The following CTNNA2 variants were observed in gnomAD, a reference collection of about 807,000 sequenced individuals.
CTNNA2 encodes catenin alpha-2.
Under a neutral mutation model 101.0 loss-of-function variants are expected in CTNNA2, and 42 were observed. The ratio of observed to expected loss-of-function variants is 0.42; its 90% CI spans 0.32 to 0.54. The LOEUF (loss-of-function observed/expected upper bound fraction) is 0.54. Ranked by LOEUF, CTNNA2 falls within the 20% of genes least tolerant of loss-of-function variation. The pLI, the probability that CTNNA2 is intolerant of heterozygous loss-of-function variation, is 0.14. For synonymous variants in CTNNA2, 450 were observed against 456.4 expected, an observed-to-expected ratio of 0.99 and a Z score of 0.18; for missense variants, 871 against 1,223.1, an observed-to-expected ratio of 0.71 and a Z score of 4.29.
At chr2:79,552,304 G>A (rs192816936) in intron 1 of CTNNA2, among the ~76,000 whole-genome samples, 8 of 152,250 alleles carry the variant, frequency 5.3e-5, no homozygotes, top group Admixed American at 1.3e-4. Flanking sequence ...CTTTGACTCC[G>A]TGTCTCACAT....
intron 1 of CTNNA2, among the ~76,000 whole-genome samples, chr2:79,575,032 C>T (rs539530360): frequency 3.3e-5 from 5 of 152,226 alleles, no homozygotes; most frequent in East Asian, 3.9e-4. Flanking sequence ...AGCGTTGGTT[C>T]GTGTCCTTTG....
intron 7 of CTNNA2, among the ~76,000 whole-genome samples, chr2:80,158,303 C>T (rs1175903697): frequency 6.6e-6 from 1 of 152,182 alleles, no homozygotes; most frequent in African/African-American, 2.4e-5. Flanking sequence ...CATGTACTGT[C>T]TCATACATTT....
intron 7 of CTNNA2, chr2:80,378,575 G>C (rs1676206644): frequency 6.6e-6 from 1 of 151,980 alleles, no homozygotes; most frequent in Non-Finnish European, 1.5e-5. Flanking sequence ...CAGCAGTTTA[G>C]GAGTTATTGT....
intron 6 of CTNNA2, among the ~76,000 whole-genome samples, chr2:79,892,960 A>C (rs1684413372): frequency 6.6e-6 from 1 of 152,144 alleles, no homozygotes; most frequent in African/African-American, 2.4e-5. Flanking sequence ...TTCCAAAGTA[A>C]ATTACCAAAG....
At chr2:79,559,954 C>A (rs1392462004) in intron 1 of CTNNA2, among the ~76,000 whole-genome samples, 1 of 151,638 alleles carries the variant, frequency 6.6e-6, no homozygotes, top group Non-Finnish European at 1.5e-5. Flanking sequence ...AAAGTTGGGG[C>A]TCTTAGAAGT....
At chr2:79,289,459 T>C (rs111543783) in intron 2 of CTNNA2, among the ~76,000 whole-genome samples, 85 of 152,228 alleles carry the variant, frequency 5.6e-4, no homozygotes, top group African/African-American at 2.0e-3. Context: ...ATGAGTCGGG[T>C]TGGTTAGAAT....
At chr2:79,270,767 C>T (rs972330432) in intron 2 of CTNNA2, among the ~76,000 whole-genome samples, 10 of 151,956 alleles carry the variant, frequency 6.6e-5, no homozygotes, top group African/African-American at 2.4e-4. Context: ...TTACTAGCTC[C>T]AGGGCAGCAG....
At chr2:79,260,742 G>A (rs1056159273) in intron 2 of CTNNA2, among the ~76,000 whole-genome samples, 1 of 152,038 alleles carries the variant, frequency 6.6e-6, no homozygotes, top group African/African-American at 2.4e-5. Context: ...ACACTAATTA[G>A]CAATACTAGC....
intron 1 of CTNNA2, among the ~76,000 whole-genome samples, chr2:79,194,486 G>T (rs2104166864): frequency 6.6e-6 from 1 of 152,222 alleles, no homozygotes; most frequent in African/African-American, 2.4e-5. Flanking sequence ...TCTTTCTCTG[G>T]CAAGACACAC....
At chr2:79,758,688 CAT>C (rs1332883955) in intron 3 of CTNNA2, among the ~76,000 whole-genome samples, 1 of 152,168 alleles carries the variant, frequency 6.6e-6, no homozygotes, top group Non-Finnish European at 1.5e-5. Context: ...CAAGTGAGAA[CAT>C]GTGAAATTTG....
chr2:79,924,882 G>C (rs1686920934), intron 7 of CTNNA2, among the ~76,000 whole-genome samples: 1 of 152,048 alleles, frequency 6.6e-6, no homozygotes, highest in Admixed American at 6.6e-5. Flanking sequence ...TGAATACCTT[G>C]TCTTTGTTGT....
At chr2:79,207,144 G>GTCA (rs1674110305) in intron 2 of CTNNA2, among the ~76,000 whole-genome samples, 1 of 152,096 alleles carries the variant, frequency 6.6e-6, no homozygotes, top group South Asian at 2.1e-4. Context: ...TGACAAAATG[G>GTCA]TCAGAAATTA....
At chr2:79,345,488 C>CT (rs1408701378) in intron 3 of CTNNA2, among the ~76,000 whole-genome samples, 1 of 152,146 alleles carries the variant, frequency 6.6e-6, no homozygotes, top group Non-Finnish European at 1.5e-5. Context: ...ATGACCTCTC[C>CT]TTTACTCCTT....
intron 3 of CTNNA2, among the ~76,000 whole-genome samples, chr2:79,764,250 A>T (rs1479332989): frequency 2.0e-5 from 3 of 152,212 alleles, no homozygotes; most frequent in Admixed American, 2.0e-4. Context: ...GGACATTTTC[A>T]TATTAAAGAA....
At chr2:80,033,384 G>A (rs2104210366) in intron 7 of CTNNA2, among the ~76,000 whole-genome samples, 1 of 151,928 alleles carries the variant, frequency 6.6e-6, no homozygotes, top group African/African-American at 2.4e-5. Flanking sequence ...ACCAGCTTGG[G>A]CAACATGGTG....
intron 4 of CTNNA2, among the ~76,000 whole-genome samples, chr2:79,385,979 C>A (rs531503488): frequency 6.6e-6 from 1 of 150,958 alleles, no homozygotes; most frequent in South Asian, 2.1e-4. Context: ...TTGAAGAGTG[C>A]TGCAATAAAC....
rs186307258 is a variant in CTNNA2, at chr2:79,202,248, T to A, written c.-406+4172T>A. On this transcript the variant is annotated intron_variant, in intron 2 of 21. Coordinates refer to the CTNNA2 transcript ENST00000466387. ...AGCTTGATTTTCTTCTTTAGCTTGG[T>A]GATTTTGGAGTCTCAAGATTTATTT... Among the ~76,000 whole-genome samples the A allele has an allele frequency of 1.2e-3, 178 of 152,320 alleles. 2 individuals are homozygous for A. The highest frequency in any genetic ancestry group is 2.0e-3 in the Non-Finnish European group (139 of 68,028).
chr2:79,310,661 TTAAAGATA>T (rs1455507653), intron 2 of CTNNA2, among the ~76,000 whole-genome samples: 6 of 152,164 alleles, frequency 3.9e-5, no homozygotes, highest in Non-Finnish European at 8.8e-5. Flanking sequence ...TTTTCTCTCG[TTAAAGATA>T]TAAATCAATG....
At chr2:79,948,113 A>G (rs1688629094) in intron 7 of CTNNA2, among the ~76,000 whole-genome samples, 1 of 152,218 alleles carries the variant, frequency 6.6e-6, no homozygotes, top group Admixed American at 6.5e-5. Flanking sequence ...GGTGAATAAA[A>G]GGAAGAGGAC....
Sources: allele counts gnomAD v4.1 joint callset (sites outside exome capture counted in the v4.1 genomes callset), GRCh38; gene constraint gnomAD v4.1.1; transcripts MANE v1.5; gene names NCBI Gene and HGNC (gene_info 2026-07-23, HGNC 2026-07-21).